Variants in EPRS1 observed in about 807,000 individuals in gnomAD.
The protein encoded by EPRS1 is bifunctional glutamate/proline--tRNA ligase.
In EPRS1, 107 loss-of-function variants were observed where a neutral mutation model predicts 188.3. The ratio of observed to expected loss-of-function variants is 0.57; its 90% CI spans 0.49 to 0.67. The LOEUF (loss-of-function observed/expected upper bound fraction) is 0.67. Ranked by LOEUF, EPRS1 falls within the 30% of genes least tolerant of loss-of-function variation. EPRS1 has a pLI of 0.00. For synonymous variants in EPRS1, 596 were observed against 593.1 expected (o/e 1.00, Z -0.07); for missense variants, 1,577 against 1,802.2 (o/e 0.88, Z 2.26).
At position 219,995,899 on chromosome 1, in the gene EPRS1, T is replaced by A. The variant is rs1410713030; in HGVS notation, c.2541+1084A>T. Among the ~76,000 whole-genome samples the A allele has an allele frequency of 3.3e-5, 5 of 152,276 alleles. No homozygotes were observed. The South Asian group carries it at 6.2e-4, about 19-fold the overall frequency. On this transcript the variant is annotated intron_variant, in intron 18 of 31. Transcript: ENST00000366923. ...CCTAGGACCCTGACAGGACAACAGA[T>A]CTGACATTTTAGAACAAATCCCCTT...
chr1:219,997,605 T>C (rs1453770903), intron 17 of EPRS1, among the ~76,000 whole-genome samples: 1 of 152,140 alleles, frequency 6.6e-6, no homozygotes, highest in Non-Finnish European at 1.5e-5. Context: ...TAAATCTTTG[T>C]CATTAGGGGA....
chr1:220,004,880 T>C (rs547220684), intron 16 of EPRS1, among the ~76,000 whole-genome samples: 1 of 152,134 alleles, frequency 6.6e-6, no homozygotes, highest in Non-Finnish European at 1.5e-5. Context: ...TCTAAATGTA[T>C]GCTGTTTGTA....
Position 219,980,802 on chromosome 1 carries a change from T to TG in EPRS1, c.3508dup (p.Gln1170ProfsTer22). 2.5e-6 allele frequency: 4 copies of TG among 1,613,604 alleles called. No homozygotes were observed. The highest frequency in any genetic ancestry group is 3.4e-6 in the Non-Finnish European group (4 of 1,179,756). On this transcript the variant is annotated frameshift_variant, in exon 25 of 32. Transcript: ENST00000366923. LOFTEE classifies it high-confidence loss of function. ...GGTAGCAAAAGCACTGTGCCCTTCC[T>TG]GCCAAAGAAATTCACGAGTACGTAG...
intron 20 of EPRS1, 151 bp downstream of exon 20, chr1:219,986,991 G>T: frequency 3.7e-6 from 3 of 814,686 alleles, no homozygotes; most frequent in Non-Finnish European, 3.8e-6. Context: ...AAACTAAATG[G>T]AAAATCAATA....
intron 13 of EPRS1, among the ~76,000 whole-genome samples, chr1:220,009,907 G>A (rs943365135): frequency 6.6e-5 from 10 of 151,694 alleles, no homozygotes; most frequent in African/African-American, 1.7e-4. Flanking sequence ...CAGCCTGGCC[G>A]CCAACATGGC....
chr1:219,987,560 ATC>A (rs760020653), intron 19 of EPRS1, among the ~76,000 whole-genome samples, 156 bp from the exon 20 acceptor site: 4 of 152,140 alleles, frequency 2.6e-5, no homozygotes, highest in Non-Finnish European at 4.4e-5. Flanking sequence ...AGGGAGGCAT[ATC>A]TCACATATGA....
chr1:220,005,702 C>T (rs886770027), intron 15 of EPRS1, among the ~76,000 whole-genome samples: 1 of 152,010 alleles, frequency 6.6e-6, no homozygotes, highest in African/African-American at 2.4e-5. Flanking sequence ...GGCTTAAATA[C>T]GAGGGTCAGA....
chr1:220,032,600 T>G, intron 4 of EPRS1, 74 bp from the exon 5 acceptor site: 1 of 1,445,840 alleles, frequency 6.9e-7, no homozygotes, highest in Admixed American at 1.8e-5. Flanking sequence ...TGTGACTAAT[T>G]GAAGTAATTG....
intron 17 of EPRS1, among the ~76,000 whole-genome samples, chr1:219,997,645 T>C (rs760801891): frequency 2.0e-5 from 3 of 152,154 alleles, no homozygotes; most frequent in Non-Finnish European, 4.4e-5. Flanking sequence ...TCCATCAAGT[T>C]TGAGAATAAA....
chr1:219,973,113 G>T, intron 29 of EPRS1, 125 bp downstream of exon 29: 1 of 735,036 alleles, frequency 1.4e-6, no homozygotes, highest in Non-Finnish European at 2.3e-6. Context: ...AAATTAAGTA[G>T]CATGGGGGTT....
chr1:219,970,507 A>G (rs4531301), intron 30 of EPRS1, among the ~76,000 whole-genome samples: 70,352 of 151,980 alleles, frequency 0.46, 16,380 homozygotes, highest in South Asian at 0.53. Context: ...GGCCAGGTGC[A>G]GTGGCTCACG....
chr1:219,978,516 GGGGGTAAAAGATAAAGCTTA>G lies in EPRS1; in HGVS notation c.4083+10_4083+29del. The G allele has an allele frequency of 6.7e-7, 1 of 1,498,000 alleles. No individual in the cohort carries two copies. The highest frequency in any genetic ancestry group is 2.4e-5 in the East Asian group (1 of 41,886). The allele number at this position is 1,498,000 out of a possible 1,614,324, so 92.8% of individuals were successfully genotyped here. A position where few individuals can be genotyped will look rare whatever the true frequency, so the allele number is the denominator to read the frequency against. On this transcript the variant is annotated intron_variant, in intron 28 of 31. Coordinates refer to ENST00000366923, the MANE Select transcript of EPRS1 (RefSeq NM_004446.3). The stretch of plus-strand genomic sequence containing the variant: ...AATCTAAACTCAAATTGCAGATGTT[GGGGGTAAAAGATAAAGCTTA>G]GGAATTTACCTTGAGCTCCCAGTGA...
chr1:219,969,137 G>C lies in EPRS1; in HGVS notation c.4324-15C>G. 1 of 1,553,056 alleles carries C rather than the reference G, an allele frequency of 6.4e-7. No homozygotes were observed. The highest frequency in any genetic ancestry group is 8.9e-7 in the Non-Finnish European group (1 of 1,125,036). ...ATCTGAACAATCTAATTAAGAAAAG[G>C]AAAAGTAATCAGTATTTATAACTCC... On this transcript the variant is annotated splice_polypyrimidine_tract_variant and intron_variant, in intron 30 of 31. Transcript: ENST00000366923.
intron 16 of EPRS1, among the ~76,000 whole-genome samples, chr1:220,001,915 G>A (rs1465572028): frequency 6.6e-6 from 1 of 151,902 alleles, no homozygotes; most frequent in East Asian, 1.9e-4. Flanking sequence ...TGTAGTCCCA[G>A]CTACTCCAGA....
rs1446426869 is a variant in EPRS1, at chr1:220,007,205, T to C, written c.1739A>G (p.His580Arg). The C allele has an allele frequency of 6.2e-7, 1 of 1,608,096 alleles. No homozygotes were observed. The highest frequency in any genetic ancestry group is 1.3e-5 in the African/African-American group (1 of 74,774). ...AAAACAAACAAAAAGTTCTTACTTG[T>C]GTATTTTTGTAATGTTGAGGTTGCC... The part of the protein sequence containing the change: ...NWGNLNITKI[H>R]KNADGKIISL... Residue 580 changes from histidine to arginine, a missense_variant, in exon 14 of 32, where the codon CAC becomes CGC. This residue lies in a region of EPRS1 where 1,278 missense variants were observed against 1,457.4 expected (regional missense o/e 0.88). Transcript: ENST00000366923.
At chr1:220,025,014 G>C (rs1393238144) in intron 7 of EPRS1, 118 bp downstream of exon 7, 4 of 959,078 alleles carry the variant, frequency 4.2e-6, no homozygotes, top group Admixed American at 1.8e-5. Flanking sequence ...GGAATATATA[G>C]ATAGGGAAAA....
intron 16 of EPRS1, among the ~76,000 whole-genome samples, chr1:220,002,433 T>TA (rs1358605898): frequency 6.6e-6 from 1 of 152,194 alleles, no homozygotes; most frequent in Admixed American, 6.5e-5. Flanking sequence ...GGCAAAATTA[T>TA]ATCTGCTATG....
At chr1:220,022,240 G>A in intron 9 of EPRS1, 107 bp downstream of exon 9, 1 of 989,072 alleles carries the variant, frequency 1.0e-6, no homozygotes, top group Non-Finnish European at 1.5e-6. Context: ...ACCCATGGAT[G>A]AACAAAAGGC....
chr1:220,043,498 G>C, intron 1 of EPRS1, among the ~76,000 whole-genome samples: 1 of 152,134 alleles, frequency 6.6e-6, no homozygotes. Flanking sequence ...TAAAAATCAA[G>C]TTAGGCAGGA....
Sources: allele counts gnomAD v4.1 joint callset (sites outside exome capture counted in the v4.1 genomes callset), GRCh38; gene constraint gnomAD v4.1.1; regional missense constraint gnomAD v4.1.1; transcripts MANE v1.5; gene names NCBI Gene and HGNC (gene_info 2026-07-23, HGNC 2026-07-21).